The following ADCY4 variants were observed in gnomAD, a reference collection of about 807,000 sequenced individuals.
ADCY4 encodes adenylate cyclase 4, also known as adenylate cyclase type 4.
A neutral mutation model predicts 125.5 loss-of-function variants in ADCY4; 111 were observed. The ratio of observed to expected loss-of-function variants is 0.88; its 90% CI spans 0.76 to 1.04. The LOEUF is 1.04. Ranked by LOEUF, ADCY4 falls within the 50% of genes least tolerant of loss-of-function variation. The pLI, the probability that ADCY4 is intolerant of heterozygous loss-of-function variation, is 0.00. For synonymous variants in ADCY4, 576 were observed against 586.9 expected (o/e 0.98, Z 0.27); for missense variants, 1,256 against 1,382.9 (o/e 0.91, Z 1.46).
intron 14 of ADCY4, among the ~76,000 whole-genome samples, chr14:24,324,931 T>C (rs1409443467): frequency 6.6e-6 from 1 of 152,062 alleles, no homozygotes; most frequent in African/African-American, 2.4e-5. Context: ...CTTTCACTCC[T>C]GACCTCAGGT....
rs748257385 is a variant in ADCY4 at position 24,319,791 on chromosome 14, C to T, written c.2684G>A (p.Gly895Asp). ...ATTGAGCAGCCTCAGACACTCTAGG[C>T]CCTCATGATTGATGTTGGATTCAGA... ...FYSESNINHE[G>D]LECLRLLNEI... Residue 895 changes from glycine to aspartate, a missense_variant, in exon 21 of 25, where the codon GGC becomes GAC. Gly to Asp is a moderately conservative substitution (Grantham distance 94). Coordinates refer to ENST00000418030, the MANE Select transcript of ADCY4 (RefSeq NM_001198568.2). This position sits in a 1 kb window ranked among gnomAD's most constrained non-coding sequence, Gnocchi z 4.5. The T allele has an allele frequency of 1.6e-5, 26 of 1,614,114 alleles. No homozygotes were observed. Among genetic ancestry groups the T allele is most frequent in the Non-Finnish European group, 1.7e-5 (20 of 1,180,032 alleles).
rs1490322218 is a variant in ADCY4, at chr14:24,332,917, G to A, written c.231C>T (p.Gly77=). 5.0e-6 allele frequency: 8 copies of A among 1,603,336 alleles called. No homozygotes were observed. The highest frequency in any genetic ancestry group is 6.8e-6 in the Non-Finnish European group (8 of 1,174,064). ...GCAGTCGCTGCTCCCGGGAAGCGAGGCCCAGCAGCAGCGAGAAGCCGCCCA... is the reference window on the plus strand; with the variant it reads ...GCAGTCGCTGCTCCCGGGAAGCGAGACCCAGCAGCAGCGAGAAGCCGCCCA... ...CALGGFSLLL[G]LASREQRLQR... The change falls in exon 2 of 25, where the codon GGC becomes GGT. Residue 77 remains glycine, a synonymous_variant. Transcript: ENST00000418030.
intron 10 of ADCY4, 30 bp downstream of exon 10, chr14:24,329,031 C>G (rs769376524): frequency 3.7e-6 from 6 of 1,605,920 alleles, no homozygotes; most frequent in Non-Finnish European, 4.3e-6. Flanking sequence ...TTTAACTAAG[C>G]TCTGGGGCTC....
rs1329138291 is a variant in ADCY4 at position 24,318,508 on chromosome 14, C to T, written c.3142G>A (p.Val1048Ile). 5 of 1,614,096 alleles carry T rather than the reference C, an allele frequency of 3.1e-6. No homozygotes were observed. Among genetic ancestry groups the T allele is most frequent in the South Asian group, 1.1e-5 (1 of 91,090 alleles). ...SLGYTCYSRG[V>I]IKVKGKGQLC... Reference sequence around the variant, plus strand: ...TGCCCTTTGCCTTTCACCTTGATGACACCCCGGCTGTAGCAGGTGTAGCCC... The same window carrying T: ...TGCCCTTTGCCTTTCACCTTGATGATACCCCGGCTGTAGCAGGTGTAGCCC... Residue 1048 changes from valine to isoleucine, a missense_variant, in exon 25 of 25, where the codon GTC becomes ATC. Physicochemically the swap from Val to Ile is conservative, Grantham distance 29. Transcript: ENST00000418030.
chr14:24,329,295 C>A, intron 9 of ADCY4, 61 bp from the exon 10 acceptor site: 1 of 1,586,690 alleles, frequency 6.3e-7, no homozygotes, highest in South Asian at 1.2e-5. Context: ...CCCTCCACCC[C>A]CCACTAGGAC....
rs79553843 is a variant in ADCY4, at chr14:24,329,958, G to T, written c.1119C>A (p.Ser373Arg). 5,676 of 1,614,094 alleles carry T rather than the reference G, an allele frequency of 3.5e-3. 15 individuals carry two copies. Among genetic ancestry groups the T allele is most frequent in the Non-Finnish European group, 3.9e-3 (4,643 of 1,180,008 alleles). ...GCAGCCCGATGACTCCACACAGTAC[G>T]CTGCCTGAGTGCACGCCCACACGCA... ...INMRVGVHSG[S>R]VLCGVIGLQK... The change falls in exon 8 of 25, where the codon AGC becomes AGA. Residue 373 changes from serine (S) to arginine (R), a missense_variant. Ser to Arg is a moderately radical substitution (Grantham distance 110). Transcript: ENST00000418030.
Position 24,322,660 on chromosome 14 carries a change from G to A in ADCY4, c.2391C>T (p.Phe797=), listed in dbSNP as rs770166725. Residue 797 remains phenylalanine, a synonymous_variant, in exon 19 of 25, where the codon TTC becomes TTT. Transcript: ENST00000418030. ...EPKLMGAISF[F]IFFFTLLVLA... is the part of the protein sequence containing the mutation. The stretch of plus-strand genomic sequence containing the variant: ...GGACAAGGAGGGTGAAGAAGAAGAT[G>A]AAGAAGGAGATAGCACCCATCAGTT... 6.2e-7 allele frequency: 1 copy of A among 1,614,140 alleles called. No individual in the cohort carries two copies. Among genetic ancestry groups the A allele is most frequent in the Non-Finnish European group, 8.5e-7 (1 of 1,180,006 alleles).
At position 24,318,390 on chromosome 14, in the gene ADCY4, G is replaced by A. The variant is rs1452110641; in HGVS notation, c.*26C>T. The stretch of plus-strand genomic sequence containing the variant: ...CCAGACACCCCAGAGTCTCTTTATT[G>A]AGGTTCTTAGAAGGCGAGTGCAATC... On this transcript the variant is annotated 3_prime_UTR_variant, in exon 25 of 25. Coordinates refer to ENST00000418030, the MANE Select transcript of ADCY4 (RefSeq NM_001198568.2). 2 of 1,611,136 alleles carry A rather than the reference G, an allele frequency of 1.2e-6. No homozygotes were observed. The highest frequency in any genetic ancestry group is 2.2e-5 in the South Asian group (2 of 90,776).
chr14:24,320,187 A>T (rs529604217), intron 20 of ADCY4, among the ~76,000 whole-genome samples: 1 of 152,220 alleles, frequency 6.6e-6, no homozygotes, highest in Non-Finnish European at 1.5e-5. Flanking sequence ...TCTATATCCT[A>T]TCTTATTGCT....
At position 24,332,985 on chromosome 14, in the gene ADCY4, G is replaced by T. The variant is rs745751479; in HGVS notation, c.163C>A (p.Leu55Met). ...LAVAWASGRE[L>M]TSDPSFLTTV... ...GTCAGGAAGCTCGGGTCTGAGGTCA[G>T]CTCCTGTGGGCAGGGGTGTGTGAGG... Residue 55 changes from leucine (L) to methionine (M), a missense_variant, in exon 2 of 25, where the codon CTG becomes ATG. By Grantham distance (15) the Leu-to-Met change is conservative (BLOSUM62 2). Transcript: ENST00000418030. 4 of 1,533,284 alleles carry T rather than the reference G, an allele frequency of 2.6e-6. No homozygotes were observed. In the African/African-American group the frequency reaches 5.5e-5, roughly 21 times the overall value. The allele number at this position is 1,533,284 out of a possible 1,614,324, so 95.0% of individuals were successfully genotyped here.
At chr14:24,322,509 AG>A in intron 19 of ADCY4, 114 bp downstream of exon 19, 2 of 1,124,900 alleles carry the variant, frequency 1.8e-6, no homozygotes, top group Non-Finnish European at 1.3e-6. Flanking sequence ...GGAAGCAGGA[AG>A]GCTCGCTTAG....
chr14:24,332,749 AG>A, intron 2 of ADCY4, 41 bp downstream of exon 2: 1 of 1,534,450 alleles, frequency 6.5e-7, no homozygotes, highest in Middle Eastern at 1.8e-4. Flanking sequence ...GAGGGATCGA[AG>A]CCCGGGCCGT....
chr14:24,331,982 T>C (rs763148398), intron 3 of ADCY4, 45 bp from the exon 4 acceptor site: 1 of 1,482,804 alleles, frequency 6.7e-7, no homozygotes, highest in Admixed American at 2.2e-5. Context: ...CCCGGGTGCT[T>C]GTCGTGTGTA....
rs2042036482 is a variant in ADCY4 at position 24,331,234 on chromosome 14, G to C, written c.792C>G (p.Leu264=). 6.2e-7 allele frequency: 1 copy of C among 1,614,090 alleles called. No individual in the cohort carries two copies. ...RPESTNNFHS[L]YVKRHQGVSV... ...TGACTCCCTGGTGCCTCTTGACATA[G>C]AGGCTGTGGAAATTGTTAGTGCTCT... The change falls in exon 5 of 25, where the codon CTC becomes CTG. Residue 264 remains leucine, a synonymous_variant. Coordinates refer to ENST00000418030, the MANE Select transcript of ADCY4 (RefSeq NM_001198568.2).
At position 24,332,814 on chromosome 14, in the gene ADCY4, CCCCGGTGAA is replaced by C; in HGVS notation, c.325_333del (p.Phe109_Gly111del). ...ACCTGGTCCCAGGCGCTCACCACGC[CCCCGGTGAA>C]CAGGAAGGCGTGGCCTAGCGCTAGC... On this transcript the variant is annotated inframe_deletion, in exon 2 of 25. Transcript: ENST00000418030. 6.4e-7 allele frequency: 1 copy of C among 1,568,486 alleles called. No individual in the cohort carries two copies.
chr14:24,318,989 G>A, intron 23 of ADCY4, 109 bp downstream of exon 23: 3 of 1,464,464 alleles, frequency 2.0e-6, no homozygotes, highest in Non-Finnish European at 2.8e-6. Context: ...GAGTGAGTCA[G>A]GAAAGGGGCT....
In ADCY4 at chr14:24,322,076, C is replaced by A; in HGVS notation, c.2576G>T (p.Arg859Leu). Residue 859 changes from arginine to leucine, a missense_variant, in exon 20 of 25, where the codon CGG becomes CTG. Coordinates refer to ENST00000418030, the MANE Select transcript of ADCY4 (RefSeq NM_001198568.2). Reference protein sequence around the residue: ...HVAPQFIGQNRRNEDLYHQSY... With the variant: ...HVAPQFIGQNLRNEDLYHQSY... ...GGGGTCAGGAGTCACCTCGTTGCGC[C>A]GGTTCTGGCCAATGAACTGGGGGGC... 1 of 1,612,214 alleles carries A rather than the reference C, an allele frequency of 6.2e-7. No individual in the cohort carries two copies. Among genetic ancestry groups the A allele is most frequent in the Non-Finnish European group, 8.5e-7 (1 of 1,178,534 alleles).
In ADCY4 at chr14:24,325,363, T is replaced by TG; in HGVS notation, c.1823+13dup. On this transcript the variant is annotated intron_variant, in intron 14 of 24. Transcript: ENST00000418030. ...TATGACAGCCAGGGCCTCCTTTGCCTGGGGCACTCTCACCTGTTTGTCACT... is the reference window on the plus strand; with the variant it reads ...TATGACAGCCAGGGCCTCCTTTGCCTGGGGGCACTCTCACCTGTTTGTCACT... The TG allele has an allele frequency of 6.2e-7, 1 of 1,610,552 alleles. No individual in the cohort carries two copies. The highest frequency in any genetic ancestry group is 8.5e-7 in the Non-Finnish European group (1 of 1,177,256).
At chr14:24,334,381 C>A in intron 1 of ADCY4, 113 bp downstream of exon 1, 6 of 1,442,872 alleles carry the variant, frequency 4.2e-6, no homozygotes, top group Non-Finnish European at 4.5e-6. Flanking sequence ...CTCAATGGTC[C>A]TTTCTTTCTC....
Sources: allele counts gnomAD v4.1 joint callset (sites outside exome capture counted in the v4.1 genomes callset), GRCh38; gene constraint gnomAD v4.1.1; non-coding constraint Gnocchi (gnomAD v3.1); transcripts MANE v1.5; gene names NCBI Gene and HGNC (gene_info 2026-07-23, HGNC 2026-07-21).